NTM: variants seen among roughly 807,000 people sequenced by gnomAD.
NTM encodes the protein neurotrimin, also known as IgLON family member 2.
Under a neutral mutation model 42.1 loss-of-function variants are expected in NTM, and 13 were observed. That is an observed-to-expected ratio of 0.31 (90% CI 0.20 to 0.49). The LOEUF (loss-of-function observed/expected upper bound fraction) is 0.49. Ranked by LOEUF, NTM falls within the 20% of genes least tolerant of loss-of-function variation. NTM has a pLI of 0.99. For missense variants in NTM, 373 were observed against 452.8 expected, an observed-to-expected ratio of 0.82 and a Z score of 1.60; for synonymous variants, 187 against 179.2, an observed-to-expected ratio of 1.04 and a Z score of -0.35.
chr11:131,759,760 G>T (rs139546831), intron 1 of NTM, among the ~76,000 whole-genome samples: 1 of 151,402 alleles, frequency 6.6e-6, no homozygotes, highest in East Asian at 1.9e-4. Context: ...TCTTTATCCA[G>T]GTCATTAATT....
At chr11:132,145,181 C>T (rs2070109361) in intron 2 of NTM, among the ~76,000 whole-genome samples, 1 of 152,170 alleles carries the variant, frequency 6.6e-6, no homozygotes, top group South Asian at 2.1e-4. Context: ...AGCTCTCATT[C>T]CTTGGACAAG....
chr11:131,524,833 G>T (rs540906997), intron 1 of NTM, among the ~76,000 whole-genome samples: 222 of 152,300 alleles, frequency 1.5e-3, no homozygotes, highest in African/African-American at 5.1e-3. Context: ...CCACAGCAGG[G>T]GCTGGAGTGA....
chr11:131,727,200 G>A (rs1336378124), intron 1 of NTM, among the ~76,000 whole-genome samples: 2 of 151,922 alleles, frequency 1.3e-5, no homozygotes, highest in African/African-American at 2.4e-5. Context: ...AAGACAAATT[G>A]TGTGGTCCTC....
In NTM at chr11:131,955,789, G is replaced by A. The variant is rs150268752; in HGVS notation, c.167+44141G>A. On this transcript the variant is annotated intron_variant, in intron 2 of 8. Coordinates refer to ENST00000683400, the MANE Select transcript of NTM (RefSeq NM_001352005.2). ...CCACCAGGGACTCATCACCACTCTAGCCCAATGACTCCAAAATTGCCTTCT... is the reference window on the plus strand; with the variant it reads ...CCACCAGGGACTCATCACCACTCTAACCCAATGACTCCAAAATTGCCTTCT... Among the ~76,000 whole-genome samples, 881 of 150,266 alleles carry A rather than the reference G, an allele frequency of 5.9e-3. 7 individuals carry two copies. Among genetic ancestry groups the A allele is most frequent in the African/African-American group, 0.021 (847 of 41,020 alleles).
chr11:131,380,849 T>G (rs889125432), intron 1 of NTM, among the ~76,000 whole-genome samples: 2 of 152,190 alleles, frequency 1.3e-5, no homozygotes, highest in Non-Finnish European at 2.9e-5. Flanking sequence ...GTTGTTTCAA[T>G]AGGTATGCAA....
chr11:131,401,547 T>C (rs938191385), intron 1 of NTM, among the ~76,000 whole-genome samples: 3 of 151,836 alleles, frequency 2.0e-5, no homozygotes, highest in African/African-American at 7.3e-5. Context: ...GACATGATTT[T>C]AATTTCTGGA....
intron 1 of NTM, among the ~76,000 whole-genome samples, chr11:131,615,632 A>T (rs1285048689): frequency 6.6e-6 from 1 of 152,162 alleles, no homozygotes; most frequent in Non-Finnish European, 1.5e-5. Context: ...AGCCTCCCGA[A>T]GTGCTGGGAT....
chr11:132,094,107 C>T (rs1206854462), intron 2 of NTM, among the ~76,000 whole-genome samples: 1 of 152,138 alleles, frequency 6.6e-6, no homozygotes, highest in Non-Finnish European at 1.5e-5. Flanking sequence ...CTTTGATTGG[C>T]CAAAAACCCA....
chr11:131,615,532 A>AT (rs760874314), intron 1 of NTM, among the ~76,000 whole-genome samples: 3 of 151,914 alleles, frequency 2.0e-5, no homozygotes, highest in Admixed American at 6.6e-5. Context: ...TGCCTGGCTA[A>AT]TTTTTTTGTA....
At chr11:132,111,172 A>G (rs1347753971) in intron 2 of NTM, among the ~76,000 whole-genome samples, 1 of 147,150 alleles carries the variant, frequency 6.8e-6, no homozygotes, top group African/African-American at 2.5e-5. Flanking sequence ...AGAACGGGCT[A>G]GTCTCCTTGG....
At chr11:131,697,086 G>A (rs1238589508) in intron 1 of NTM, among the ~76,000 whole-genome samples, 5 of 152,168 alleles carry the variant, frequency 3.3e-5, no homozygotes, top group South Asian at 4.1e-4. Flanking sequence ...CTGGGGGCAC[G>A]GTGGAATTGC....
intron 1 of NTM, among the ~76,000 whole-genome samples, chr11:131,476,066 G>A (rs1332786066): frequency 6.6e-6 from 1 of 152,036 alleles, no homozygotes; most frequent in African/African-American, 2.4e-5. Context: ...GAGGCAGGGA[G>A]GGAAGAAATG....
chr11:131,526,108 ATT>A (rs1491441685), intron 1 of NTM, among the ~76,000 whole-genome samples: 1 of 152,216 alleles, frequency 6.6e-6, no homozygotes, highest in African/African-American at 2.4e-5. Context: ...GGCAAGAACT[ATT>A]GACCCATTTC....
chr11:131,500,554 T>TAC (rs1450317732), intron 1 of NTM, among the ~76,000 whole-genome samples: 6 of 72,798 alleles, frequency 8.2e-5, no homozygotes, highest in African/African-American at 1.4e-4. Context: ...TATATATATA[T>TAC]ATATATATAT....
chr11:132,038,090 G>T (rs2076724306), intron 2 of NTM, among the ~76,000 whole-genome samples: 1 of 152,248 alleles, frequency 6.6e-6, no homozygotes, highest in Non-Finnish European at 1.5e-5. Flanking sequence ...GATGTCACAG[G>T]ACTGGGGCTT....
At chr11:132,253,051 T>C (rs2092129701) in intron 4 of NTM, among the ~76,000 whole-genome samples, 1 of 152,206 alleles carries the variant, frequency 6.6e-6, no homozygotes, top group Admixed American at 6.5e-5. Flanking sequence ...CATAGTAGGC[T>C]CTGTTTTACC....
chr11:131,952,678 C>A (rs537106004), intron 2 of NTM, among the ~76,000 whole-genome samples: 1 of 152,060 alleles, frequency 6.6e-6, no homozygotes, highest in African/African-American at 2.4e-5. Context: ...TTTTTTTCAA[C>A]TTAAAGACTG....
intron 2 of NTM, among the ~76,000 whole-genome samples, chr11:132,053,241 C>A (rs1057421696): frequency 2.0e-5 from 3 of 152,162 alleles, no homozygotes; most frequent in Admixed American, 1.3e-4. Flanking sequence ...AGGTCACCCA[C>A]CTGACAAGTG....
chr11:131,709,381 C>G (rs1243020656), intron 1 of NTM, among the ~76,000 whole-genome samples: 1 of 152,120 alleles, frequency 6.6e-6, no homozygotes, highest in Non-Finnish European at 1.5e-5. Flanking sequence ...AGCAGGCAGA[C>G]TTGTTGGGAG....
Sources: allele counts gnomAD v4.1 joint callset (sites outside exome capture counted in the v4.1 genomes callset), GRCh38; gene constraint gnomAD v4.1.1; transcripts MANE v1.5; gene names NCBI Gene and HGNC (gene_info 2026-07-23, HGNC 2026-07-21).